The following TTF1 variants were observed in gnomAD, a reference collection of about 807,000 sequenced individuals.
The protein encoded by TTF1 is transcription termination factor 1.
Under a neutral mutation model 80.2 loss-of-function variants are expected in TTF1, and 64 were observed. The ratio of observed to expected loss-of-function variants is 0.80; its 90% CI spans 0.65 to 0.98. The LOEUF is 0.98. Ranked by LOEUF, TTF1 falls within the 50% of genes least tolerant of loss-of-function variation. The probability of loss-of-function intolerance (pLI) is 0.00; values close to 1 mark genes in which losing one functional copy is unlikely to be tolerated. For missense variants in TTF1, 1,023 were observed against 1,086.2 expected (o/e 0.94, Z 0.82); for synonymous variants, 372 against 382.7 (o/e 0.97, Z 0.33).
chr9:132,398,126 T>G lies in TTF1; in HGVS notation c.1777+15A>C. 6.4e-7 allele frequency: 1 copy of G among 1,560,030 alleles called. No individual in the cohort carries two copies. Among genetic ancestry groups the G allele is most frequent in the South Asian group, 1.2e-5 (1 of 82,152 alleles). On this transcript the variant is annotated intron_variant, in intron 4 of 10. Transcript: ENST00000334270. Reference sequence around the variant, plus strand: ...AGGCTGTGGATGGTCAAAGGGTGATTGTTTCTAAACTTACCAATGTGTAAT... The same window carrying G: ...AGGCTGTGGATGGTCAAAGGGTGATGGTTTCTAAACTTACCAATGTGTAAT...
chr9:132,377,797 TGTGCATGTG>T (rs1849248517), intron 10 of TTF1, among the ~76,000 whole-genome samples: 5 of 116,086 alleles, frequency 4.3e-5, no homozygotes, highest in African/African-American at 1.0e-4. Flanking sequence ...ATGTGGTGTG[TGTGCATGTG>T]GTGTGAGTGC....
intron 9 of TTF1, among the ~76,000 whole-genome samples, chr9:132,381,624 G>A (rs1239266150): frequency 6.6e-6 from 1 of 152,152 alleles, no homozygotes; most frequent in Non-Finnish European, 1.5e-5. Flanking sequence ...CCCTGCTTGG[G>A]GCCTATGATG....
At chr9:132,379,553 C>G (rs1849331645) in intron 9 of TTF1, among the ~76,000 whole-genome samples, 1 of 152,206 alleles carries the variant, frequency 6.6e-6, no homozygotes, top group East Asian at 1.9e-4. Context: ...TTACCACTCT[C>G]TCCCTCGTGC....
At chr9:132,390,331 T>C (rs1337985754) in intron 7 of TTF1, among the ~76,000 whole-genome samples, 1 of 152,198 alleles carries the variant, frequency 6.6e-6, no homozygotes, top group Non-Finnish European at 1.5e-5. Context: ...ATTAAAGACT[T>C]AGAAAGAGTG....
In TTF1 at chr9:132,375,861, T is replaced by C. The variant is rs1470367303; in HGVS notation, c.*54A>G. ...CCACACCCGGCTAATTTTTGCATTT[T>C]TAATAGTGACAGGTCTTCACCATGT... On this transcript the variant is annotated 3_prime_UTR_variant, in exon 11 of 11. Coordinates refer to ENST00000334270, the MANE Select transcript of TTF1 (RefSeq NM_007344.4). 37 of 1,159,870 alleles carry C rather than the reference T, an allele frequency of 3.2e-5. No homozygotes were observed. The highest frequency in any genetic ancestry group is 4.3e-5 in the Non-Finnish European group (35 of 817,394). 71.8% of individuals were successfully genotyped at this position (1,159,870 alleles called of 1,614,324 possible).
At position 132,382,604 on chromosome 9, in the gene TTF1, A is replaced by ACT. The variant is rs1849386661; in HGVS notation, c.2379-3461_2379-3460insAG. ...ATTCCTCCAAAATTTCACTACCATCAACAGCAAAGATGGACGATCTTCATA... is the reference window on the plus strand; with the variant it reads ...ATTCCTCCAAAATTTCACTACCATCACTACAGCAAAGATGGACGATCTTCATA... On this transcript the variant is annotated intron_variant, in intron 9 of 10. Coordinates refer to ENST00000334270, the MANE Select transcript of TTF1 (RefSeq NM_007344.4). Among the ~76,000 whole-genome samples, 4 of 152,086 alleles carry ACT rather than the reference A, an allele frequency of 2.6e-5. No homozygotes were observed. In the South Asian group the frequency reaches 8.3e-4, roughly 32 times the overall value.
chr9:132,406,490 T>C (rs1849869655), intron 1 of TTF1, among the ~76,000 whole-genome samples: 1 of 151,484 alleles, frequency 6.6e-6, no homozygotes, highest in South Asian at 2.1e-4. Flanking sequence ...TAATCCCAGC[T>C]ACTCGGGAGG....
chr9:132,384,844 C>T lies in TTF1; in HGVS notation c.2378+1712G>A, dbSNP rs991066127. Among the ~76,000 whole-genome samples, 2 of 152,084 alleles carry T rather than the reference C, an allele frequency of 1.3e-5. No individual in the cohort carries two copies. The highest frequency in any genetic ancestry group is 1.9e-4 in the East Asian group (1 of 5,186). ...GCTAATTTTTGTATTTTTGTAGAGA[C>T]GGAGTTGAACCATGTTGGCCAGGCT... On this transcript the variant is annotated intron_variant, in intron 9 of 10. Coordinates refer to ENST00000334270, the MANE Select transcript of TTF1 (RefSeq NM_007344.4). This position sits in a 1 kb window ranked among gnomAD's most constrained non-coding sequence, Gnocchi z 4.1.
At chr9:132,379,849 A>G (rs938869840) in intron 9 of TTF1, among the ~76,000 whole-genome samples, 6 of 152,256 alleles carry the variant, frequency 3.9e-5, no homozygotes, top group Admixed American at 3.3e-4. Flanking sequence ...ATTGTATTTT[A>G]AAGTAAAAAA....
rs1484989978 is a variant in TTF1 at position 132,390,661 on chromosome 9, T to C, written c.2158A>G (p.Ile720Val). 1.2e-5 allele frequency: 20 copies of C among 1,614,118 alleles called. No homozygotes were observed. The highest frequency in any genetic ancestry group is 1.5e-5 in the Non-Finnish European group (18 of 1,180,044). Residue 720 changes from isoleucine (I) to valine (V), a missense_variant, in exon 7 of 11, where the codon ATA becomes GTA. Physicochemically the swap from Ile to Val is conservative, Grantham distance 29. Coordinates refer to ENST00000334270, the MANE Select transcript of TTF1 (RefSeq NM_007344.4). ...TTAGCTTCTACTTCTACCCAAGATA[T>C]GCCCTTGTAGAGTTTTTCCCGAACA... ...SIVREKLYKG[I>V]SWVEVEAKVQ...
At chr9:132,387,228 C>T (rs1236879565) in intron 8 of TTF1, among the ~76,000 whole-genome samples, 4 of 152,086 alleles carry the variant, frequency 2.6e-5, no homozygotes, top group South Asian at 2.1e-4. Context: ...GGATTATGGG[C>T]GTCAGGCACC....
At position 132,403,094 on chromosome 9, in the gene TTF1, C is replaced by T. The variant is rs183837320; in HGVS notation, c.-7-266G>A. Among the ~76,000 whole-genome samples, 23 of 152,290 alleles carry T rather than the reference C, an allele frequency of 1.5e-4. 1 individual carries two copies. The East Asian group carries it at 4.1e-3, about 27-fold the overall frequency. On this transcript the variant is annotated intron_variant, in intron 1 of 10. Transcript: ENST00000334270. ...CAGGATGGTCTCGATCTCCTGACCT[C>T]ATGATCCGCCCACTCCAGCCTCCCA... is the stretch of plus-strand genomic sequence containing the variant.
chr9:132,405,100 G>C (rs1407054169), intron 1 of TTF1, among the ~76,000 whole-genome samples: 1 of 152,184 alleles, frequency 6.6e-6, no homozygotes, highest in Non-Finnish European at 1.5e-5. Flanking sequence ...TGTTAGCCAG[G>C]ATGGTCTCGA....
At chr9:132,386,752 GCA>G in intron 8 of TTF1, 131 bp from the exon 9 acceptor site, 1 of 684,760 alleles carries the variant, frequency 1.5e-6, no homozygotes, top group Non-Finnish European at 2.5e-6. Flanking sequence ...CGTTACACAT[GCA>G]CAGTGAGCTC....
intron 3 of TTF1, 113 bp from the exon 4 acceptor site, chr9:132,398,439 A>C (rs1589825615): frequency 1.8e-6 from 2 of 1,098,352 alleles, no homozygotes; most frequent in Non-Finnish European, 2.5e-6. Flanking sequence ...CAGTCCCAAC[A>C]CCTGACATTC....
At chr9:132,400,869 A>T (rs1238919353) in intron 2 of TTF1, among the ~76,000 whole-genome samples, 3 of 152,200 alleles carry the variant, frequency 2.0e-5, no homozygotes, top group Non-Finnish European at 4.4e-5. Context: ...TTGGGCTTTT[A>T]AATTTACTCA....
chr9:132,380,228 CCCAG>C (rs753456853), intron 9 of TTF1, among the ~76,000 whole-genome samples: 2 of 152,188 alleles, frequency 1.3e-5, no homozygotes, highest in East Asian at 3.9e-4. Context: ...CACCACCACG[CCCAG>C]CTAAATTTTT....
chr9:132,400,605 G>A (rs924333003), intron 2 of TTF1, among the ~76,000 whole-genome samples: 6 of 152,204 alleles, frequency 3.9e-5, no homozygotes, highest in African/African-American at 1.2e-4. Context: ...TTACAGGCAT[G>A]AGCCACCACG....
intron 2 of TTF1, among the ~76,000 whole-genome samples, chr9:132,400,813 CTATTTTTCAAAGGTAATTTGGGCTTTTA>C (rs1480748638): frequency 2.0e-5 from 3 of 152,248 alleles, no homozygotes; most frequent in Non-Finnish European, 2.9e-5. Flanking sequence ...TTTGCTCAGA[CTATTTTTCAAAGGTAATTTGGGCTTTTA>C]TATTTTTCAA....
Sources: allele counts gnomAD v4.1 joint callset (sites outside exome capture counted in the v4.1 genomes callset), GRCh38; gene constraint gnomAD v4.1.1; non-coding constraint Gnocchi (gnomAD v3.1); transcripts MANE v1.5; gene names NCBI Gene and HGNC (gene_info 2026-07-23, HGNC 2026-07-21).